ESR1: variants seen among roughly 807,000 people sequenced by gnomAD.
ESR1 encodes the protein estrogen receptor.
Under a neutral mutation model 52.7 loss-of-function variants are expected in ESR1, and 12 were observed. That is an observed-to-expected ratio of 0.23 (90% CI 0.15 to 0.37). The LOEUF is 0.37. ESR1 is among the 10% of genes least tolerant of loss of function. The probability of loss-of-function intolerance (pLI) is 1.00; values close to 1 mark genes in which losing one functional copy is unlikely to be tolerated. For missense variants in ESR1, 584 were observed against 779.7 expected (o/e 0.75, Z 2.99); for synonymous variants, 305 against 316.8 (o/e 0.96, Z 0.39).
chr6:151,992,172 T>C (rs975688251), intron 4 of ESR1, among the ~76,000 whole-genome samples: 2 of 152,208 alleles, frequency 1.3e-5, no homozygotes, highest in African/African-American at 4.8e-5. Context: ...ATAAGTAACG[T>C]ACAATTTACC....
Position 152,100,805 on chromosome 6 carries a change from A to T in ESR1, c.*1839A>T. On this transcript the variant is annotated 3_prime_UTR_variant, in exon 8 of 8. Coordinates refer to ENST00000206249, the MANE Select transcript of ESR1 (RefSeq NM_000125.4). ...AAAAAAAAGTTTTTATGTGCACTTA[A>T]ATTTGGGGACAATTTTATGTATCTG... The T allele has an allele frequency of 4.3e-6, 1 of 231,260 alleles. No homozygotes were observed. The highest frequency in any genetic ancestry group is 8.6e-6 in the Non-Finnish European group (1 of 116,678). The allele number at this position is 231,260 out of a possible 1,614,324, so 14.3% of individuals were successfully genotyped here.
chr6:151,866,845 T>G (rs190048430), intron 2 of ESR1, among the ~76,000 whole-genome samples: 1 of 152,234 alleles, frequency 6.6e-6, no homozygotes, highest in Non-Finnish European at 1.5e-5. Flanking sequence ...ATATACCCAG[T>G]AATGGGATGG....
Position 152,099,312 on chromosome 6 carries a change from C to A in ESR1, c.*346C>A. ...TGCATTTAAGCTACTTGTAGAGACC[C>A]AGGCCTGGAGAGTAGACATTTTGCC... On this transcript the variant is annotated 3_prime_UTR_variant, in exon 8 of 8. Coordinates refer to ENST00000206249, the MANE Select transcript of ESR1 (RefSeq NM_000125.4). 1 of 434,258 alleles carries A rather than the reference C, an allele frequency of 2.3e-6. No homozygotes were observed. Among genetic ancestry groups the A allele is most frequent in the Non-Finnish European group, 4.3e-6 (1 of 232,864 alleles). 26.9% of individuals were successfully genotyped at this position (434,258 alleles called of 1,614,324 possible).
chr6:151,690,553 T>G lies in ESR1; in HGVS notation c.-313T>G, dbSNP rs1224566459. ...GAACGGATTTTACCAAAACTGAAAATGCAGGCTCCATGCTCAGAAGCTCTT... is the reference window on the plus strand; with the variant it reads ...GAACGGATTTTACCAAAACTGAAAAGGCAGGCTCCATGCTCAGAAGCTCTT... On this transcript the variant is annotated 5_prime_UTR_variant, in exon 1 of 3. Transcript: ENST00000404742. The G allele has an allele frequency of 2.0e-5, 3 of 152,310 alleles. No individual in the cohort carries two copies. The East Asian group carries it at 5.8e-4, about 29-fold the overall frequency. 9.4% of individuals were successfully genotyped at this position (152,310 alleles called of 1,614,324 possible).
At position 151,808,056 on chromosome 6, in the gene ESR1, G is replaced by T. The variant is rs760465612; in HGVS notation, c.144G>T (p.Lys48Asn). The change falls in exon 1 of 8, where the codon AAG (lysine) becomes AAT (asparagine). Residue 48 changes from lysine to asparagine, a missense_variant. Lys to Asn is a moderately conservative substitution (Grantham distance 94, BLOSUM62 0). Transcript: ENST00000206249. ...GCGAGGTGTACCTGGACAGCAGCAA[G>T]CCCGCCGTGTACAACTACCCCGAGG... ...PLGEVYLDSS[K>N]PAVYNYPEGA... is the part of the protein sequence containing the mutation. 3.1e-6 allele frequency: 5 copies of T among 1,613,532 alleles called. No individual in the cohort carries two copies. The highest frequency in any genetic ancestry group is 4.2e-6 in the Non-Finnish European group (5 of 1,179,908).
At chr6:151,730,182 T>C (rs1213842361) in intron 2 of ESR1, among the ~76,000 whole-genome samples, 1 of 152,104 alleles carries the variant, frequency 6.6e-6, no homozygotes, top group Non-Finnish European at 1.5e-5. Context: ...TTCCCAGGGC[T>C]AGGCATCCTG....
chr6:151,679,345 G>A (rs1185097170), intron 1 of ESR1, among the ~76,000 whole-genome samples: 1 of 151,958 alleles, frequency 6.6e-6, no homozygotes, highest in African/African-American at 2.4e-5. Context: ...TTGAACTCCC[G>A]TTAGCTTTAT....
intron 4 of ESR1, among the ~76,000 whole-genome samples, chr6:152,008,292 A>G (rs1056258684): frequency 1.2e-4 from 18 of 152,062 alleles, no homozygotes; most frequent in Non-Finnish European, 1.0e-4. Flanking sequence ...AGATCTAATA[A>G]CCCTTGTCTG....
At chr6:151,661,062 A>C (rs139478385) in intron 1 of ESR1, among the ~76,000 whole-genome samples, 245 of 152,332 alleles carry the variant, frequency 1.6e-3, no homozygotes, top group African/African-American at 5.7e-3. Flanking sequence ...ATAGACACAA[A>C]ACAAAATAGG....
chr6:152,068,748 G>A (rs983291318), intron 6 of ESR1, among the ~76,000 whole-genome samples: 4 of 152,038 alleles, frequency 2.6e-5, no homozygotes, highest in Non-Finnish European at 4.4e-5. Flanking sequence ...TACTGGCATC[G>A]ACAATTGAAT....
At chr6:151,851,417 C>G (rs1408692979) in intron 2 of ESR1, among the ~76,000 whole-genome samples, 1 of 152,048 alleles carries the variant, frequency 6.6e-6, no homozygotes, top group African/African-American at 2.4e-5. Flanking sequence ...CCAATATTCT[C>G]AGAGTCACTC....
intron 2 of ESR1, among the ~76,000 whole-genome samples, chr6:151,742,820 T>C (rs1783196441): frequency 6.6e-6 from 1 of 152,200 alleles, no homozygotes; most frequent in Non-Finnish European, 1.5e-5. Flanking sequence ...ATTCAATCAA[T>C]ATTTTTGAGG....
At chr6:151,711,438 G>A (rs1308754896) in intron 2 of ESR1, among the ~76,000 whole-genome samples, 1 of 152,068 alleles carries the variant, frequency 6.6e-6, no homozygotes, top group Non-Finnish European at 1.5e-5. Flanking sequence ...AGCCAGGATG[G>A]TCTCGATCTT....
At chr6:152,046,320 T>C (rs2046224342) in intron 5 of ESR1, among the ~76,000 whole-genome samples, 2 of 152,234 alleles carry the variant, frequency 1.3e-5, no homozygotes, top group African/African-American at 4.8e-5. Context: ...AAAAGCCTGC[T>C]CCTTGCTGGT....
intron 2 of ESR1, among the ~76,000 whole-genome samples, chr6:151,868,599 G>A (rs1317616846): frequency 6.6e-6 from 1 of 152,128 alleles, no homozygotes; most frequent in Non-Finnish European, 1.5e-5. Flanking sequence ...TGCTTAGATA[G>A]ACCTCCAGCT....
intron 6 of ESR1, among the ~76,000 whole-genome samples, chr6:152,080,727 A>G (rs1293423574): frequency 6.6e-6 from 1 of 152,172 alleles, no homozygotes; most frequent in Non-Finnish European, 1.5e-5. Context: ...TAAAGAGTCA[A>G]GACTGTGCTG....
intron 1 of ESR1, among the ~76,000 whole-genome samples, chr6:151,677,470 T>C (rs1298866039): frequency 6.6e-6 from 1 of 152,210 alleles, no homozygotes; most frequent in Non-Finnish European, 1.5e-5. Context: ...ACACAGAGCC[T>C]TTTATTAGTG....
intron 3 of ESR1, 109 bp from the exon 4 acceptor site, chr6:151,944,064 A>G: frequency 1.1e-6 from 1 of 890,414 alleles, no homozygotes; most frequent in Non-Finnish European, 1.8e-6. Flanking sequence ...CCTGTGCTTG[A>G]AAGTATTTCT....
At chr6:152,122,159 G>C (rs1236522134) in intron 6 of ESR1, 1 of 477,254 alleles carries the variant, frequency 2.1e-6, no homozygotes, top group African/African-American at 2.0e-5. Context: ...TGAGTCCGGG[G>C]AACTTTGGAG....
Sources: gnomAD v4.1 joint callset for allele counts (sites outside exome capture counted in the v4.1 genomes callset) on GRCh38, gnomAD v4.1.1 for gene constraint, MANE v1.5 for transcripts, NCBI Gene and HGNC (gene_info 2026-07-23, HGNC 2026-07-21) for gene names.